Variants in FGD4 observed in about 807,000 individuals in gnomAD.
FGD4 encodes FYVE, RhoGEF and PH domain-containing protein 4.
In FGD4, 42 loss-of-function variants were observed where a neutral mutation model predicts 102.0. The ratio of observed to expected loss-of-function variants is 0.41; its 90% CI spans 0.32 to 0.53. FGD4 has a LOEUF of 0.53. Among genes scored for constraint, FGD4 ranks in the 20% least tolerant of loss-of-function variants. The pLI, the probability that FGD4 is intolerant of heterozygous loss-of-function variation, is 0.21. For missense variants in FGD4, 902 were observed against 1,078.2 expected (o/e 0.84, Z 2.29); for synonymous variants, 380 against 375.7 (o/e 1.01, Z -0.13).
intron 1 of FGD4, among the ~76,000 whole-genome samples, chr12:32,441,016 G>T (rs1280223126): frequency 6.6e-6 from 1 of 152,172 alleles, no homozygotes; most frequent in East Asian, 1.9e-4. Flanking sequence ...GGTGAATGCT[G>T]CCTGGCCTGG....
intron 1 of FGD4, among the ~76,000 whole-genome samples, chr12:32,482,190 G>T (rs1461369523): frequency 6.6e-6 from 1 of 152,190 alleles, no homozygotes. Context: ...TTTGCTTCAT[G>T]TTTGAAATAG....
intron 1 of FGD4, among the ~76,000 whole-genome samples, chr12:32,470,839 A>G (rs1212815463): frequency 6.6e-6 from 1 of 152,034 alleles, no homozygotes; most frequent in Non-Finnish European, 1.5e-5. Flanking sequence ...TTGTGAATTT[A>G]CTTGATACAC....
chr12:32,437,942 G>T (rs1383661091), intron 1 of FGD4, among the ~76,000 whole-genome samples: 5 of 152,182 alleles, frequency 3.3e-5, no homozygotes, highest in African/African-American at 4.8e-5. Flanking sequence ...ACCCAGGCTG[G>T]AGTGCAGTGG....
At position 32,512,829 on chromosome 12, in the gene FGD4, C is replaced by T. The variant is rs944740540; in HGVS notation, c.167-51308C>T. Among the ~76,000 whole-genome samples the T allele has an allele frequency of 3.3e-5, 5 of 152,232 alleles. No individual in the cohort carries two copies. In the East Asian group the frequency reaches 5.8e-4, roughly 18 times the overall value. On this transcript the variant is annotated intron_variant, in intron 1 of 16. Coordinates refer to ENST00000534526, the MANE Select transcript of FGD4 (RefSeq NM_001370298.3). ...GCTATTTCTCTTAATTACTCAGAGGCGTAATACCTTTCAGAAAGGCTTTTT... is the reference window on the plus strand; with the variant it reads ...GCTATTTCTCTTAATTACTCAGAGGTGTAATACCTTTCAGAAAGGCTTTTT...
intron 14 of FGD4, among the ~76,000 whole-genome samples, chr12:32,627,519 G>A (rs1950255369): frequency 2.0e-5 from 3 of 152,150 alleles, no homozygotes; most frequent in Non-Finnish European, 4.4e-5. Context: ...GAAAGTTAAG[G>A]GGAAGGAGGA....
In FGD4 at chr12:32,625,760, A is replaced by G. The variant is rs1287971252; in HGVS notation, c.2153A>G (p.His718Arg). The change falls in exon 14 of 17, where the codon CAT (histidine) becomes CGT (arginine). Residue 718 changes from histidine (H) to arginine (R), a missense_variant. By Grantham distance (29) the His-to-Arg change is conservative. This residue lies in a region of FGD4 where 459 missense variants were observed against 619.0 expected (regional missense o/e 0.74). Transcript: ENST00000534526. ...AATGCACTGACACGAAGGAGGCATC[A>G]TTGTCGAGCATGTGGATATGTAAGT... is the stretch of plus-strand genomic sequence containing the variant. ...PFNALTRRRH[H>R]CRACGYVVCW... 1 of 1,613,978 alleles carries G rather than the reference A, an allele frequency of 6.2e-7. No individual in the cohort carries two copies. Among genetic ancestry groups the G allele is most frequent in the Non-Finnish European group, 8.5e-7 (1 of 1,180,010 alleles).
At chr12:32,542,058 T>C (rs1303568802) in intron 1 of FGD4, among the ~76,000 whole-genome samples, 1 of 152,192 alleles carries the variant, frequency 6.6e-6, no homozygotes, top group African/African-American at 2.4e-5. Context: ...TGTTGGTGCA[T>C]TTAAAGTAGC....
chr12:32,553,094 G>A (rs1260094086), intron 1 of FGD4, among the ~76,000 whole-genome samples: 1 of 151,850 alleles, frequency 6.6e-6, no homozygotes, highest in Non-Finnish European at 1.5e-5. Flanking sequence ...GCACCTGGCC[G>A]GAGTATGCAC....
At position 32,640,264 on chromosome 12, in the gene FGD4, T is replaced by G; in HGVS notation, c.2455-12T>G. The G allele has an allele frequency of 6.2e-7, 1 of 1,614,210 alleles. No homozygotes were observed. Among genetic ancestry groups the G allele is most frequent in the Non-Finnish European group, 8.5e-7 (1 of 1,180,030 alleles). On this transcript the variant is annotated splice_polypyrimidine_tract_variant and intron_variant, in intron 16 of 16. Coordinates refer to ENST00000534526, the MANE Select transcript of FGD4 (RefSeq NM_001370298.3). ...CATCACCTGCTTTTAATGTCTGATG[T>G]CTTTTCTTTAGGACGTCAGAGCCCA...
intron 1 of FGD4, among the ~76,000 whole-genome samples, chr12:32,441,168 C>G (rs1942424758): frequency 1.3e-5 from 2 of 152,092 alleles, no homozygotes; most frequent in African/African-American, 4.8e-5. Flanking sequence ...ACCTAAGGTG[C>G]AAGATGAAGT....
chr12:32,486,741 G>C (rs891917736), intron 1 of FGD4, among the ~76,000 whole-genome samples: 45 of 152,126 alleles, frequency 3.0e-4, no homozygotes, highest in Admixed American at 1.4e-3. Context: ...TAGTTGACTT[G>C]ACTAGGTACT....
intron 1 of FGD4, among the ~76,000 whole-genome samples, chr12:32,542,226 G>C (rs1942901917): frequency 6.6e-6 from 1 of 152,186 alleles, no homozygotes; most frequent in Non-Finnish European, 1.5e-5. Flanking sequence ...GTTTTAAGCA[G>C]ATAAAGTCTA....
intron 1 of FGD4, among the ~76,000 whole-genome samples, chr12:32,442,852 C>A (rs1264246927): frequency 6.6e-6 from 1 of 152,154 alleles, no homozygotes; most frequent in Non-Finnish European, 1.5e-5. Flanking sequence ...GCCACTGTGT[C>A]CAGGCTTCCA....
intron 1 of FGD4, among the ~76,000 whole-genome samples, chr12:32,540,849 T>G (rs112836687): frequency 6.1e-4 from 92 of 152,054 alleles, no homozygotes; most frequent in African/African-American, 2.0e-3. Flanking sequence ...ACAGGCAAGA[T>G]TGATGTCTTA....
chr12:32,422,260 A>G (rs1591868524), intron 1 of FGD4, among the ~76,000 whole-genome samples: 1 of 122,654 alleles, frequency 8.2e-6, no homozygotes, highest in East Asian at 2.4e-4. Context: ...TTTTTTTTTC[A>G]CATTGAAGCA....
rs776470806 is a variant in FGD4 at position 32,608,048 on chromosome 12, A to AT, written c.1497dup (p.Leu500SerfsTer7). Reference sequence around the variant, plus strand: ...CGGTATGAGATGCTCCTTAAGGACTATCTAAGGAAATTGCCTCCTGATTCC... The same window carrying AT: ...CGGTATGAGATGCTCCTTAAGGACTATTCTAAGGAAATTGCCTCCTGATTCC... On this transcript the variant is annotated frameshift_variant, in exon 8 of 17. Transcript: ENST00000534526. LOFTEE classifies it high-confidence loss of function. 6.2e-7 allele frequency: 1 copy of AT among 1,614,188 alleles called. No individual in the cohort carries two copies. The highest frequency in any genetic ancestry group is 2.2e-5 in the East Asian group (1 of 44,886).
At chr12:32,447,278 C>T (rs746625562) in intron 1 of FGD4, among the ~76,000 whole-genome samples, 2 of 152,164 alleles carry the variant, frequency 1.3e-5, no homozygotes, top group Admixed American at 1.3e-4. Flanking sequence ...GCTTGTACCC[C>T]TTACCTTAAA....
At chr12:32,624,361 T>C (rs1236646653) in intron 11 of FGD4, 61 bp from the exon 12 acceptor site, 16 of 1,294,050 alleles carry the variant, frequency 1.2e-5, no homozygotes, top group Admixed American at 1.8e-5. Context: ...AGCATAGTTT[T>C]ATTCACCCAG....
intron 14 of FGD4, among the ~76,000 whole-genome samples, chr12:32,628,079 G>T (rs145126435): frequency 1.2e-4 from 19 of 152,330 alleles, no homozygotes; most frequent in Non-Finnish European, 2.4e-4. Flanking sequence ...AAGGTAGACT[G>T]CACAGCGCTG....
Sources: gnomAD v4.1 joint callset for allele counts (sites outside exome capture counted in the v4.1 genomes callset) on GRCh38, gnomAD v4.1.1 for gene constraint, gnomAD v4.1.1 regional missense constraint, MANE v1.5 for transcripts, NCBI Gene and HGNC (gene_info 2026-07-23, HGNC 2026-07-21) for gene names.